The following GPC3 variants were observed in gnomAD, a reference collection of about 807,000 sequenced individuals.
GPC3 encodes glypican-3.
GPC3 carries 3 observed loss-of-function variants against 34.4 expected under a neutral mutation model. The ratio of observed to expected loss-of-function variants is 0.09; its 90% CI spans 0.04 to 0.23. The LOEUF (loss-of-function observed/expected upper bound fraction) is 0.23. Ranked by LOEUF, GPC3 falls within the 10% of genes least tolerant of loss-of-function variation. The pLI is 1.00. For synonymous variants in GPC3, 177 were observed against 174.0 expected, an observed-to-expected ratio of 1.02 and a Z score of -0.13; for missense variants, 351 against 445.6, an observed-to-expected ratio of 0.79 and a Z score of 1.91.
chrX:133,678,568 G>A lies in GPC3; in HGVS notation c.1292+13801C>T, dbSNP rs142839607. 7.9e-3 allele frequency among the ~76,000 whole-genome samples: 887 copies of A among 111,655 alleles called. 8 individuals carry two copies. Among genetic ancestry groups the A allele is most frequent in the African/African-American group, 0.027 (840 of 30,719 alleles). On this transcript the variant is annotated intron_variant, in intron 5 of 7. Transcript: ENST00000370818. ...GGTTTCCTAGGACTTGGGACCTTCT[G>A]TGCTAAACCTGGAAAGTCCTAGGCA...
At chrX:133,686,798 C>G (rs112155697) in intron 5 of GPC3, among the ~76,000 whole-genome samples, 3 of 110,576 alleles carry the variant, frequency 2.7e-5, no homozygotes, top group African/African-American at 9.9e-5. Context: ...CACACACACA[C>G]ACACACTTGC....
At chrX:133,615,445 T>G (rs1217543341) in intron 6 of GPC3, among the ~76,000 whole-genome samples, 3 of 110,973 alleles carry the variant, frequency 2.7e-5, no homozygotes, top group Non-Finnish European at 5.7e-5. Flanking sequence ...ATATAAATCA[T>G]TATATTAATA....
At chrX:133,891,760 C>T (rs947453608) in intron 2 of GPC3, among the ~76,000 whole-genome samples, 1 of 99,213 alleles carries the variant, frequency 1.0e-5, no homozygotes, top group Non-Finnish European at 2.0e-5. Flanking sequence ...GATCATGCCA[C>T]GACACTCCAG....
At chrX:133,755,746 T>C (rs2071721237) in intron 2 of GPC3, among the ~76,000 whole-genome samples, 1 of 111,916 alleles carries the variant, frequency 8.9e-6, no homozygotes, top group Non-Finnish European at 1.9e-5. Flanking sequence ...TTTGTTTGTT[T>C]AGAACATTAA....
At chrX:133,621,423 G>T (rs1274247296) in intron 6 of GPC3, among the ~76,000 whole-genome samples, 1 of 111,893 alleles carries the variant, frequency 8.9e-6, no homozygotes, top group East Asian at 2.8e-4. Context: ...TGTGACAGAC[G>T]GTATCTGGAA....
At chrX:133,898,958 G>T (rs1274849957) in intron 2 of GPC3, among the ~76,000 whole-genome samples, 2 of 111,951 alleles carry the variant, frequency 1.8e-5, no homozygotes, top group Non-Finnish European at 3.8e-5. Context: ...TCTATAAGCA[G>T]TTGGCCTGTA....
chrX:133,593,539 A>G (rs1433635494), intron 7 of GPC3, among the ~76,000 whole-genome samples: 1 of 108,759 alleles, frequency 9.2e-6, no homozygotes, highest in Non-Finnish European at 1.9e-5. Flanking sequence ...AGACCCTCAG[A>G]ACTCTACTAA....
chrX:133,960,459 A>G (rs2076436834), intron 1 of GPC3, among the ~76,000 whole-genome samples: 1 of 111,801 alleles, frequency 8.9e-6, no homozygotes, highest in Non-Finnish European at 1.9e-5. Flanking sequence ...ATTTTACTAG[A>G]CTGCAATTTT....
chrX:133,890,907 T>C (rs1296777265), intron 2 of GPC3, among the ~76,000 whole-genome samples: 1 of 106,880 alleles, frequency 9.4e-6, no homozygotes, highest in Non-Finnish European at 1.9e-5. Context: ...CTGGTACGTG[T>C]AATTCCAGCC....
At chrX:133,951,839 T>C (rs1452463783) in intron 2 of GPC3, among the ~76,000 whole-genome samples, 1 of 111,843 alleles carries the variant, frequency 8.9e-6, no homozygotes, top group Non-Finnish European at 1.9e-5. Flanking sequence ...TCTGAACAAT[T>C]TTCTTAGCTA....
intron 2 of GPC3, among the ~76,000 whole-genome samples, chrX:133,843,333 C>T (rs2124553271): frequency 9.0e-6 from 1 of 111,356 alleles, no homozygotes; most frequent in South Asian, 3.9e-4. Context: ...CAAGTGAGTT[C>T]CCACTCAGTT....
intron 3 of GPC3, among the ~76,000 whole-genome samples, chrX:133,720,592 C>T (rs967033108): frequency 1.8e-5 from 2 of 111,770 alleles, no homozygotes; most frequent in Non-Finnish European, 3.8e-5. Flanking sequence ...TTGTAAATTG[C>T]CCAGTCTTGG....
chrX:133,869,915 T>A (rs938173816), intron 2 of GPC3, among the ~76,000 whole-genome samples: 86 of 112,312 alleles, frequency 7.7e-4, no homozygotes, highest in Admixed American at 3.4e-3. Flanking sequence ...AGATCACGCC[T>A]CTGCACTCCA....
At chrX:133,854,894 A>G (rs777804659) in intron 2 of GPC3, among the ~76,000 whole-genome samples, 5 of 112,179 alleles carry the variant, frequency 4.5e-5, no homozygotes, top group Non-Finnish European at 9.4e-5. Flanking sequence ...ACCATTCAAG[A>G]TAATGTTTTT....
At chrX:133,847,913 A>G (rs1449813248) in intron 2 of GPC3, among the ~76,000 whole-genome samples, 1 of 112,463 alleles carries the variant, frequency 8.9e-6, no homozygotes, top group East Asian at 2.8e-4. Context: ...TAGAAGAGAC[A>G]AAAGAACAGC....
At chrX:133,700,698 A>T (rs1485398603) in intron 3 of GPC3, among the ~76,000 whole-genome samples, 1 of 110,396 alleles carries the variant, frequency 9.1e-6, no homozygotes, top group Non-Finnish European at 1.9e-5. Context: ...GCAACACAGC[A>T]AGACCCAGTC....
chrX:133,902,695 C>A (rs56662162), intron 2 of GPC3, among the ~76,000 whole-genome samples: 8,912 of 111,216 alleles, frequency 0.08, 878 homozygotes, highest in African/African-American at 0.28. Context: ...TGCAACCCAA[C>A]CTGGGTGACA....
intron 2 of GPC3, among the ~76,000 whole-genome samples, chrX:133,932,053 C>A (rs1381435193): frequency 8.9e-6 from 1 of 112,050 alleles, no homozygotes; most frequent in East Asian, 2.8e-4. Context: ...ATTGCCCATA[C>A]TCCTTAATCT....
In GPC3 at chrX:133,699,755, A is replaced by G. The variant is rs759731213; in HGVS notation, c.1166+140T>C. On this transcript the variant is annotated intron_variant, in intron 4 of 7. Coordinates refer to ENST00000370818, the MANE Select transcript of GPC3 (RefSeq NM_004484.4). ...ACCATCTTTTTTTAAACATTGACAG[A>G]TGATAAAATTTAATTAATCAAGCAC... The G allele has an allele frequency of 2.0e-5, 9 of 453,432 alleles. No homozygotes were observed. The African/African-American group carries it at 2.2e-4, about 11-fold the overall frequency. 37.4% of individuals were successfully genotyped at this position (453,432 alleles called of 1,213,427 possible). A position where few individuals can be genotyped will look rare whatever the true frequency, so the allele number is the denominator to read the frequency against.
Sources: gnomAD v4.1 joint callset for allele counts (sites outside exome capture counted in the v4.1 genomes callset) on GRCh38, gnomAD v4.1.1 for gene constraint, MANE v1.5 for transcripts, NCBI Gene and HGNC (gene_info 2026-07-23, HGNC 2026-07-21) for gene names.